The following ABHD12B variants were observed in gnomAD, a reference collection of about 807,000 sequenced individuals.
ABHD12B encodes the protein protein ABHD12B.
Under a neutral mutation model 50.4 loss-of-function variants are expected in ABHD12B, and 42 were observed. The ratio of observed to expected loss-of-function variants is 0.83; its 90% CI spans 0.65 to 1.08. ABHD12B has a LOEUF of 1.08. Among genes scored for constraint, ABHD12B ranks in the 50% least tolerant of loss-of-function variants. ABHD12B has a pLI of 0.00. For synonymous variants in ABHD12B, 167 were observed against 160.3 expected, an observed-to-expected ratio of 1.04 and a Z score of -0.32; for missense variants, 479 against 447.7, an observed-to-expected ratio of 1.07 and a Z score of -0.63.
rs59924695 is a variant in ABHD12B, at chr14:50,887,211, C to CAAAAAAA, written c.700+539_700+545dup. On this transcript the variant is annotated intron_variant, in intron 8 of 12. Coordinates refer to ENST00000337334, the MANE Select transcript of ABHD12B (RefSeq NM_001206673.2). ...TGGGCGACAGAGCAAGAGTCTGTCT[C>CAAAAAAA]AAAAAAAAAAAAAAAAAAGAGTCCT... Among the ~76,000 whole-genome samples the CAAAAAAA allele has an allele frequency of 3.0e-4, 13 of 43,630 alleles. 1 individual carries two copies. The highest frequency in any genetic ancestry group is 8.2e-4 in the African/African-American group (8 of 9,700). The allele number at this position is 43,630 out of a possible 152,430, so 28.6% of individuals were successfully genotyped here.
chr14:50,886,771 C>A, intron 8 of ABHD12B, 87 bp downstream of exon 8: 1 of 1,271,210 alleles, frequency 7.9e-7, no homozygotes, highest in Non-Finnish European at 1.1e-6. Context: ...ACACTTTGAA[C>A]ATATAGACAC....
At chr14:50,881,653 C>A (rs371987623) in intron 5 of ABHD12B, 27 bp downstream of exon 5, 2 of 1,611,822 alleles carry the variant, frequency 1.2e-6, no homozygotes, top group Admixed American at 1.7e-5. Flanking sequence ...CTCAAAGCAC[C>A]CATTTCATAA....
At position 50,882,217 on chromosome 14, in the gene ABHD12B, C is replaced by T. The variant is rs1476494477; in HGVS notation, c.486+591C>T. On this transcript the variant is annotated intron_variant, in intron 5 of 12. Transcript: ENST00000337334. ...TCCCAAAGTGCTGGGATTACAGGCGCGAACCACCTCACCCGGCTGACGTTT... is the reference window on the plus strand; with the variant it reads ...TCCCAAAGTGCTGGGATTACAGGCGTGAACCACCTCACCCGGCTGACGTTT... 4.3e-5 allele frequency among the ~76,000 whole-genome samples: 6 copies of T among 140,474 alleles called. No individual in the cohort carries two copies. In the South Asian group the frequency reaches 7.0e-4, roughly 16 times the overall value. 92.2% of individuals were successfully genotyped at this position (140,474 alleles called of 152,430 possible). A position where few individuals can be genotyped will look rare whatever the true frequency, so the allele number is the denominator to read the frequency against.
chr14:50,895,905 G>T (rs143304300), intron 9 of ABHD12B, among the ~76,000 whole-genome samples: 17 of 152,112 alleles, frequency 1.1e-4, no homozygotes, highest in African/African-American at 4.1e-4. Context: ...CTCCTTTTTA[G>T]TTATCCCCAC....
Position 50,904,055 on chromosome 14 carries a change from CTCTT to C in ABHD12B, c.943-15_943-12del, listed in dbSNP as rs764822971. 8.2e-6 allele frequency: 13 copies of C among 1,593,150 alleles called. No homozygotes were observed. The Admixed American group carries it at 8.6e-5, about 11-fold the overall frequency. ...AGCTTTGAATGGCCATCCTTTGAGT[CTCTT>C]TCTGTCGCTTGCAGCTCTATGAAAT... is the stretch of plus-strand genomic sequence containing the variant. On this transcript the variant is annotated splice_polypyrimidine_tract_variant and intron_variant, in intron 11 of 12. Transcript: ENST00000337334.
At chr14:50,878,493 G>A (rs765341906) in intron 2 of ABHD12B, among the ~76,000 whole-genome samples, 3 of 152,182 alleles carry the variant, frequency 2.0e-5, no homozygotes, top group Non-Finnish European at 4.4e-5. Flanking sequence ...GATAAGGATT[G>A]AATAACTCTG....
intron 8 of ABHD12B, among the ~76,000 whole-genome samples, chr14:50,888,203 T>G (rs1180537171): frequency 9.4e-5 from 7 of 74,716 alleles, no homozygotes; most frequent in Non-Finnish European, 1.4e-4. Flanking sequence ...TACTTTGCTT[T>G]CTTTCTTTTT....
chr14:50,889,892 A>G (rs977240382), intron 9 of ABHD12B, among the ~76,000 whole-genome samples: 3 of 152,240 alleles, frequency 2.0e-5, no homozygotes, highest in Non-Finnish European at 2.9e-5. Flanking sequence ...ACAATAAGCC[A>G]TCATAGATAG....
In ABHD12B at chr14:50,904,437, G is replaced by A. The variant is rs373399191; in HGVS notation, c.*71G>A. The A allele has an allele frequency of 2.7e-5, 43 of 1,597,278 alleles. No homozygotes were observed. Among genetic ancestry groups the A allele is most frequent in the Admixed American group, 5.0e-5 (3 of 59,956 alleles). On this transcript the variant is annotated 3_prime_UTR_variant, in exon 13 of 13. Coordinates refer to ENST00000337334, the MANE Select transcript of ABHD12B (RefSeq NM_001206673.2). ...CACCTGTGATGTATATTGTTCTAAT[G>A]TAAAATTGTACTGGGCTGGTCGGAT...
intron 9 of ABHD12B, among the ~76,000 whole-genome samples, chr14:50,890,263 T>TTC (rs1226244177): frequency 6.6e-6 from 1 of 152,196 alleles, no homozygotes; most frequent in African/African-American, 2.4e-5. Context: ...TAAAAATGTG[T>TTC]TAATGTTGAA....
intron 9 of ABHD12B, among the ~76,000 whole-genome samples, chr14:50,894,223 C>T (rs1313657199): frequency 6.6e-6 from 1 of 150,736 alleles, no homozygotes; most frequent in Non-Finnish European, 1.5e-5. Flanking sequence ...GGGGCAAGTA[C>T]CCCTCAACCC....
At chr14:50,886,929 C>A (rs552459701) in intron 8 of ABHD12B, among the ~76,000 whole-genome samples, 2 of 152,172 alleles carry the variant, frequency 1.3e-5, no homozygotes, top group African/African-American at 4.8e-5. Context: ...TGAAAGAGTC[C>A]TCCTTGGCCG....
At position 50,895,170 on chromosome 14, in the gene ABHD12B, G is replaced by A. The variant is rs189385787; in HGVS notation, c.780+6267G>A. Among the ~76,000 whole-genome samples the A allele has an allele frequency of 3.3e-5, 5 of 150,030 alleles. No homozygotes were observed. The East Asian group carries it at 9.6e-4, about 29-fold the overall frequency. Reference sequence around the variant, plus strand: ...ACTTTACAGCCCTAGACCCTAAAAGGTCAAAAGGCCATCTTATTCTCAAAA... The same window carrying A: ...ACTTTACAGCCCTAGACCCTAAAAGATCAAAAGGCCATCTTATTCTCAAAA... On this transcript the variant is annotated intron_variant, in intron 9 of 12. Transcript: ENST00000337334.
In ABHD12B at chr14:50,880,570, A is replaced by G; in HGVS notation, c.454A>G (p.Arg152Gly). The G allele has an allele frequency of 1.3e-6, 2 of 1,576,388 alleles. No individual in the cohort carries two copies. Among genetic ancestry groups the G allele is most frequent in the East Asian group, 2.3e-5 (1 of 42,678 alleles). ...TTATCTTCATGGCAGTGCAGAACAC[A>G]GGTCAGTGGCTCTGCTTACATATTT... Reference protein sequence around the residue: ...IVYLHGSAEHRAASHRLKLVK... With the variant: ...IVYLHGSAEHGAASHRLKLVK... Residue 152 changes from arginine (R) to glycine (G), a missense_variant and splice_region_variant, in exon 4 of 13, where the codon AGG becomes GGG. By Grantham distance (125) the Arg-to-Gly change is moderately radical. Coordinates refer to ENST00000337334, the MANE Select transcript of ABHD12B (RefSeq NM_001206673.2).
At chr14:50,900,040 A>C (rs1253303419) in intron 9 of ABHD12B, among the ~76,000 whole-genome samples, 1 of 152,010 alleles carries the variant, frequency 6.6e-6, no homozygotes, top group Non-Finnish European at 1.5e-5. Context: ...GGAGTTCAAG[A>C]CCAGTCTAGG....
Position 50,878,854 on chromosome 14 carries a change from G to T in ABHD12B, c.335+7G>T. On this transcript the variant is annotated splice_region_variant and intron_variant, in intron 3 of 12. Coordinates refer to ENST00000337334, the MANE Select transcript of ABHD12B (RefSeq NM_001206673.2). ...GGGTGATGCTAGGGATCTGGTGAGT[G>T]CACGGATGGGACACCGGGTTGCTTG... is the stretch of plus-strand genomic sequence containing the variant. 6.2e-7 allele frequency: 1 copy of T among 1,611,328 alleles called. No individual in the cohort carries two copies. The highest frequency in any genetic ancestry group is 8.5e-7 in the Non-Finnish European group (1 of 1,177,560).
At chr14:50,881,487 A>G in intron 4 of ABHD12B, 109 bp from the exon 5 acceptor site, 1 of 1,157,740 alleles carries the variant, frequency 8.6e-7, no homozygotes, top group Non-Finnish European at 1.2e-6. Context: ...AACCTGAAAG[A>G]GAAAGGCGTG....
rs2050285534 is a variant in ABHD12B at position 50,903,327 on chromosome 14, G to A, written c.864-62G>A. 3.8e-6 allele frequency: 5 copies of A among 1,322,810 alleles called. No individual in the cohort carries two copies. The Admixed American group carries it at 5.7e-5, about 15-fold the overall frequency. 81.9% of individuals were successfully genotyped at this position (1,322,810 alleles called of 1,614,324 possible). Reference sequence around the variant, plus strand: ...CATGTTTTGCTAAAGCTTTAACTTAGAAGAGGAGAAATCTCAATGTATCAT... The same window carrying A: ...CATGTTTTGCTAAAGCTTTAACTTAAAAGAGGAGAAATCTCAATGTATCAT... On this transcript the variant is annotated intron_variant, in intron 10 of 12. Coordinates refer to ENST00000337334, the MANE Select transcript of ABHD12B (RefSeq NM_001206673.2).
chr14:50,885,892 C>A lies in ABHD12B; in HGVS notation c.659C>A (p.Thr220Lys). The A allele has an allele frequency of 6.2e-7, 1 of 1,614,008 alleles. No individual in the cohort carries two copies. Among genetic ancestry groups the A allele is most frequent in the Non-Finnish European group, 8.5e-7 (1 of 1,180,010 alleles). Reference sequence around the variant, plus strand: ...TGTCTCTGGGGCCACTCTCTGGGTACAGGGTAAGTGAGATCTGCAAATGTG... The same window carrying A: ...TGTCTCTGGGGCCACTCTCTGGGTAAAGGGTAAGTGAGATCTGCAAATGTG... Reference protein sequence around the residue: ...PVCLWGHSLGTGVATNAAKVL... With the variant: ...PVCLWGHSLGKGVATNAAKVL... Residue 220 changes from threonine to lysine, a missense_variant, in exon 7 of 13, where the codon ACA (threonine) becomes AAA (lysine). Physicochemically the swap from Thr to Lys is moderately conservative, Grantham distance 78 (BLOSUM62 -1). Coordinates refer to ENST00000337334, the MANE Select transcript of ABHD12B (RefSeq NM_001206673.2).
Sources: allele counts gnomAD v4.1 joint callset (sites outside exome capture counted in the v4.1 genomes callset), GRCh38; gene constraint gnomAD v4.1.1; transcripts MANE v1.5; gene names NCBI Gene and HGNC (gene_info 2026-07-23, HGNC 2026-07-21).